ZSCAN10: variants seen among roughly 807,000 people sequenced by gnomAD.
ZSCAN10 encodes the protein zinc finger and SCAN domain-containing protein 10.
ZSCAN10 carries 52 observed loss-of-function variants against 63.7 expected under a neutral mutation model. That is an observed-to-expected ratio of 0.82 (90% CI 0.65 to 1.03). The LOEUF (loss-of-function observed/expected upper bound fraction) is 1.03. Among genes scored for constraint, ZSCAN10 ranks in the 50% least tolerant of loss-of-function variants. The pLI is 0.00. For missense variants in ZSCAN10, 1,223 were observed against 1,103.8 expected (o/e 1.11, Z -1.53); for synonymous variants, 544 against 479.6 (o/e 1.13, Z -1.76).
In ZSCAN10 at chr16:3,097,604, C is replaced by T. The variant is rs144547129; in HGVS notation, c.-68+1586G>A. Among the ~76,000 whole-genome samples, 510 of 152,340 alleles carry T rather than the reference C, an allele frequency of 3.3e-3. 19 individuals are homozygous for T. The East Asian group carries it at 0.064, about 19-fold the overall frequency. On this transcript the variant is annotated intron_variant, in intron 1 of 5. Coordinates refer to ENST00000576985, the MANE Select transcript of ZSCAN10 (RefSeq NM_032805.3). ...TGTAACCACCCCCGAGCCGGAACTA[C>T]GCTTTCCTGCCCTCTGGCATCCACT...
chr16:3,091,460 T>C (rs1360749935), intron 5 of ZSCAN10, 80 bp downstream of exon 5: 11 of 1,504,516 alleles, frequency 7.3e-6, no homozygotes, highest in South Asian at 1.1e-5. Flanking sequence ...CTGGGCAACA[T>C]AGCGAGATTC....
chr16:3,092,554 G>A lies in ZSCAN10; in HGVS notation c.384C>T (p.His128=), dbSNP rs748149722. ...LLEGIHREPS[H]AGPLDFSCNA... ...CCCACCCTCTCACCAGCGGCCCCGC[G>A]TGGCTGGGCTCCCGGTGGATGCCCT... The change falls in exon 2 of 6, where the codon CAC becomes CAT. Residue 128 remains histidine, a synonymous_variant. Coordinates refer to ENST00000576985, the MANE Select transcript of ZSCAN10 (RefSeq NM_032805.3). 3.7e-5 allele frequency: 57 copies of A among 1,539,624 alleles called. No individual in the cohort carries two copies. In the Middle Eastern group the frequency reaches 5.1e-4, roughly 14 times the overall value.
intron 1 of ZSCAN10, among the ~76,000 whole-genome samples, chr16:3,097,088 A>G (rs1957162037): frequency 8.0e-6 from 1 of 124,564 alleles, no homozygotes; most frequent in Admixed American, 7.7e-5. Context: ...CAGAATGAGA[A>G]TCTGTCTCAA....
Position 3,092,211 on chromosome 16 carries a change from G to T in ZSCAN10, c.502C>A (p.Pro168Thr). The T allele has an allele frequency of 6.2e-7, 1 of 1,612,570 alleles. No individual in the cohort carries two copies. Residue 168 changes from proline (P) to threonine (T), a missense_variant, in exon 3 of 6, where the codon CCT (proline) becomes ACT (threonine). Physicochemically the swap from Pro to Thr is conservative, Grantham distance 38. Transcript: ENST00000576985. ...VPSHSPKKEL[P>T]AEEPSVLGPS... Reference sequence around the variant, plus strand: ...CCCAGCACTGAAGGCTCTTCCGCAGGCAATTCCTTCTTGGGGCTGTGGCTG... The same window carrying T: ...CCCAGCACTGAAGGCTCTTCCGCAGTCAATTCCTTCTTGGGGCTGTGGCTG...
chr16:3,097,182 C>T (rs1183957061), intron 1 of ZSCAN10, among the ~76,000 whole-genome samples: 4 of 151,916 alleles, frequency 2.6e-5, no homozygotes, highest in Admixed American at 2.6e-4. Context: ...TTTGCTGTAC[C>T]CCCTTAATAT....
rs1475891947 is a variant in ZSCAN10 at position 3,089,402 on chromosome 16, C to T, written c.2032G>A (p.Ala678Thr). ...CCCGTGTGGCTGCGGCGATGGCGGG[C>T]CAGGTTGGAGCTATTGCGGAAACGG... Reference protein sequence around the residue: ...GHRFRNSSNLARHRRSHTGER... With the variant: ...GHRFRNSSNLTRHRRSHTGER... The change falls in exon 6 of 6, where the codon GCC becomes ACC. Residue 678 changes from alanine (A) to threonine (T), a missense_variant. Ala to Thr is a moderately conservative substitution (Grantham distance 58). Coordinates refer to ENST00000576985, the MANE Select transcript of ZSCAN10 (RefSeq NM_032805.3). The T allele has an allele frequency of 6.2e-7, 1 of 1,604,784 alleles. No homozygotes were observed. Among genetic ancestry groups the T allele is most frequent in the South Asian group, 1.1e-5 (1 of 90,926 alleles).
At chr16:3,095,745 G>A (rs1473550820) in intron 1 of ZSCAN10, among the ~76,000 whole-genome samples, 3 of 150,558 alleles carry the variant, frequency 2.0e-5, no homozygotes, top group Non-Finnish European at 3.0e-5. Flanking sequence ...GGAGAATGGC[G>A]TGAAACAGGG....
In ZSCAN10 at chr16:3,092,831, G is replaced by A. The variant is rs781702175; in HGVS notation, c.107C>T (p.Ser36Phe). 3 of 1,494,182 alleles carry A rather than the reference G, an allele frequency of 2.0e-6. No individual in the cohort carries two copies. The highest frequency in any genetic ancestry group is 5.0e-5 in the East Asian group (2 of 40,072). 92.6% of individuals were successfully genotyped at this position (1,494,182 alleles called of 1,614,324 possible). A position where few individuals can be genotyped will look rare whatever the true frequency, so the allele number is the denominator to read the frequency against. The change falls in exon 2 of 6, where the codon TCC becomes TTC. Residue 36 changes from serine (S) to phenylalanine (F), a missense_variant. Coordinates refer to ENST00000576985, the MANE Select transcript of ZSCAN10 (RefSeq NM_032805.3). ...VSPEDPRRPE[S>F]RLRPEVAHQL... The stretch of plus-strand genomic sequence containing the variant: ...GTGAGCCACCTCGGGCCTCAGCCTG[G>A]ACTCTGGTCGCCTGGGGTCCTCTGG...
chr16:3,089,242 T>C lies in ZSCAN10; in HGVS notation c.2192A>G (p.Lys731Arg), dbSNP rs1596280952. The change falls in exon 6 of 6, where the codon AAG becomes AGG. Residue 731 changes from lysine (K) to arginine (R), a missense_variant. Coordinates refer to ENST00000576985, the MANE Select transcript of ZSCAN10 (RefSeq NM_032805.3). ...CAGATTGCAGCTGCGGCTGAAGCTC[T>C]TCCCGCACTCCACGCACTCCTGCGG... ...EPPQECVECG[K>R]SFSRSCNLLR... 1 of 1,582,980 alleles carries C rather than the reference T, an allele frequency of 6.3e-7. No individual in the cohort carries two copies. The highest frequency in any genetic ancestry group is 8.5e-7 in the Non-Finnish European group (1 of 1,171,710).
Position 3,092,695 on chromosome 16 carries a change from T to C in ZSCAN10, c.243A>G (p.Lys81=). ...CCAGCACCAGCAGCTCCAGGATCTG[T>C]TTCTTGGTGTGCAGAGCCGGCCGCA... ...HWLRPALHTK[K]QILELLVLEQ... The change falls in exon 2 of 6, where the codon AAA becomes AAG. Residue 81 remains lysine, a synonymous_variant. Transcript: ENST00000576985. 6.2e-7 allele frequency: 1 copy of C among 1,613,444 alleles called. No homozygotes were observed. The highest frequency in any genetic ancestry group is 1.3e-5 in the African/African-American group (1 of 75,046).
rs1040338256 is a variant in ZSCAN10 at position 3,099,279 on chromosome 16, G to A, written c.-157C>T. ...GCCAGCCTCCGCCAGCCTGGGGAAGGGCTCTGGGAAAATGGAACAGGAAGT... is the reference window on the plus strand; with the variant it reads ...GCCAGCCTCCGCCAGCCTGGGGAAGAGCTCTGGGAAAATGGAACAGGAAGT... On this transcript the variant is annotated 5_prime_UTR_variant, in exon 1 of 6. Transcript: ENST00000576985. 4 of 152,436 alleles carry A rather than the reference G, an allele frequency of 2.6e-5. No individual in the cohort carries two copies. The highest frequency in any genetic ancestry group is 9.6e-5 in the African/African-American group (4 of 41,458). 9.4% of individuals were successfully genotyped at this position (152,436 alleles called of 1,614,324 possible). A position where few individuals can be genotyped will look rare whatever the true frequency, so the allele number is the denominator to read the frequency against.
chr16:3,090,222 G>A lies in ZSCAN10; in HGVS notation c.1212C>T (p.His404=), dbSNP rs1241766219. The A allele has an allele frequency of 6.2e-7, 1 of 1,606,666 alleles. No homozygotes were observed. Among genetic ancestry groups the A allele is most frequent in the Non-Finnish European group, 8.5e-7 (1 of 1,179,576 alleles). The change falls in exon 6 of 6, where the codon CAC becomes CAT. Residue 404 remains histidine, a synonymous_variant. Transcript: ENST00000576985. ...HMRTHTDERP[H]ACHLCGHRFR... ...AGCGGTGGCCGCACAGGTGGCAGGC[G>A]TGCGGCCGCTCGTCCGTGTGAGTGC...
At chr16:3,099,045 C>T (rs1193746888) in intron 1 of ZSCAN10, 145 bp downstream of exon 1, 2 of 152,456 alleles carry the variant, frequency 1.3e-5, no homozygotes, top group Non-Finnish European at 2.9e-5. Flanking sequence ...CACGAGGCTC[C>T]CCAGCAGACC....
In ZSCAN10 at chr16:3,089,371, C is replaced by G; in HGVS notation, c.2063G>C (p.Arg688Pro). ...ACCGCACGTCTGACAGCTGTAGGGCCGCTCGCCCGTGTGGCTGCGGCGATG... is the reference window on the plus strand; with the variant it reads ...ACCGCACGTCTGACAGCTGTAGGGCGGCTCGCCCGTGTGGCTGCGGCGATG... ...ARHRRSHTGE[R>P]PYSCQTCGRS... The change falls in exon 6 of 6, where the codon CGG becomes CCG. Residue 688 changes from arginine to proline, a missense_variant. Transcript: ENST00000576985. The G allele has an allele frequency of 1.2e-6, 2 of 1,601,248 alleles. No individual in the cohort carries two copies. The highest frequency in any genetic ancestry group is 8.5e-7 in the Non-Finnish European group (1 of 1,178,226).
chr16:3,096,789 C>T (rs1223426216), intron 1 of ZSCAN10, among the ~76,000 whole-genome samples: 6 of 152,042 alleles, frequency 3.9e-5, no homozygotes, highest in African/African-American at 9.7e-5. Flanking sequence ...ATTAGCCGGA[C>T]GTGATGGCAT....
At chr16:3,093,753 T>C (rs1957120761) in intron 1 of ZSCAN10, among the ~76,000 whole-genome samples, 1 of 145,964 alleles carries the variant, frequency 6.9e-6, no homozygotes, top group Admixed American at 7.1e-5. Flanking sequence ...TGATCTCAGC[T>C]CTCTGCAGCC....
intron 1 of ZSCAN10, among the ~76,000 whole-genome samples, chr16:3,097,472 C>A (rs1326665835): frequency 6.6e-6 from 1 of 152,182 alleles, no homozygotes; most frequent in African/African-American, 2.4e-5. Context: ...GGCTTCCTAG[C>A]GTTAACCCTC....
In ZSCAN10 at chr16:3,090,498, A is replaced by C; in HGVS notation, c.936T>G (p.Ala312=). The C allele has an allele frequency of 6.2e-7, 1 of 1,613,228 alleles. No individual in the cohort carries two copies. Among genetic ancestry groups the C allele is most frequent in the African/African-American group, 1.3e-5 (1 of 75,042 alleles). ...EPCAQSLGRG[A]AASGPGEDGS... is the part of the protein sequence containing the mutation. The stretch of plus-strand genomic sequence containing the variant: ...CATCTTCACCAGGGCCGCTAGCCGC[A>C]GCGCCCCGTCCGAGCGACTGGGCGC... Residue 312 remains alanine (A), a synonymous_variant, in exon 6 of 6, where the codon GCT becomes GCG. Transcript: ENST00000576985.
In ZSCAN10 at chr16:3,091,594, A is replaced by C; in HGVS notation, c.733T>G (p.Cys245Gly). 6.2e-7 allele frequency: 1 copy of C among 1,614,186 alleles called. No homozygotes were observed. The highest frequency in any genetic ancestry group is 2.2e-5 in the East Asian group (1 of 44,886). Residue 245 changes from cysteine to glycine, a missense_variant, in exon 5 of 6, where the codon TGC becomes GGC. By Grantham distance (159) the Cys-to-Gly change is radical. Coordinates refer to ENST00000576985, the MANE Select transcript of ZSCAN10 (RefSeq NM_032805.3). ...RDQELAAVLE[C>G]LTFEDVPENK... ...TCTGGCACATCCTCAAAGGTCAGGC[A>C]CTCCTGTATCAAGAGCAGAAACCCT...
Sources: allele counts gnomAD v4.1 joint callset (sites outside exome capture counted in the v4.1 genomes callset), GRCh38; gene constraint gnomAD v4.1.1; transcripts MANE v1.5; gene names NCBI Gene and HGNC (gene_info 2026-07-23, HGNC 2026-07-21).